The following ZNF17 variants were observed in gnomAD, a reference collection of about 807,000 sequenced individuals.
ZNF17 encodes zinc finger protein 17.
A neutral mutation model predicts 7.7 loss-of-function variants in ZNF17; 4 were observed. That is an observed-to-expected ratio of 0.52 (90% CI 0.26 to 1.20). ZNF17 has a LOEUF of 1.20. Ranked by LOEUF, ZNF17 falls within the 50% of genes most tolerant of loss-of-function variation. The pLI is 0.14. For missense variants in ZNF17, 738 were observed against 799.5 expected (o/e 0.92, Z 0.93); for synonymous variants, 249 against 258.8 (o/e 0.96, Z 0.36).
intron 1 of ZNF17, among the ~76,000 whole-genome samples, chr19:57,412,537 C>T (rs2088784718): frequency 1.3e-5 from 2 of 151,856 alleles, no homozygotes; most frequent in South Asian, 2.1e-4. Context: ...CTCCGCCTCC[C>T]GAGTTCAAGC....
Position 57,412,447 on chromosome 19 carries a change from C to CTTTTT in ZNF17, c.-21+1041_-21+1042insTTTTT, listed in dbSNP as rs371324558. 1.7e-5 allele frequency among the ~76,000 whole-genome samples: 2 copies of CTTTTT among 115,642 alleles called. 1 individual carries two copies. Among genetic ancestry groups the CTTTTT allele is most frequent in the Non-Finnish European group, 3.8e-5 (2 of 53,032 alleles). 75.9% of individuals were successfully genotyped at this position (115,642 alleles called of 152,430 possible). ...CTTATTTATTTATGAATGTGTAAAA[C>CTTTTT]ATTTTTTTTTTTTTTGAGACAGAGT... On this transcript the variant is annotated intron_variant, in intron 1 of 3. Coordinates refer to ENST00000307658, the MANE Select transcript of ZNF17 (RefSeq NM_001330617.2).
chr19:57,418,427 T>C (rs951119704), intron 3 of ZNF17, among the ~76,000 whole-genome samples: 28 of 152,232 alleles, frequency 1.8e-4, no homozygotes, highest in Admixed American at 1.4e-3. Flanking sequence ...TCACTGCTTG[T>C]GAGGACTGTG....
In ZNF17 at chr19:57,420,409, A is replaced by G. The variant is rs771882971; in HGVS notation, c.923A>G (p.Glu308Gly). 3.0e-5 allele frequency: 48 copies of G among 1,614,080 alleles called. No individual in the cohort carries two copies. In the Middle Eastern group the frequency reaches 6.6e-4, roughly 22 times the overall value. The change falls in exon 4 of 4, where the codon GAA (glutamate) becomes GGA (glycine). Residue 308 changes from glutamate to glycine, a missense_variant. Coordinates refer to ENST00000307658, the MANE Select transcript of ZNF17 (RefSeq NM_001330617.2). Reference protein sequence around the residue: ...HTRPRPYVCSECGKAFLTQAH... With the variant: ...HTRPRPYVCSGCGKAFLTQAH... ...AGGCCAAGGCCTTATGTGTGTAGTG[A>G]ATGTGGGAAGGCCTTCCTTACACAG... is the stretch of plus-strand genomic sequence containing the variant.
In ZNF17 at chr19:57,417,186, C is replaced by T. The variant is rs568940870; in HGVS notation, c.22-726C>T. 2.6e-5 allele frequency among the ~76,000 whole-genome samples: 4 copies of T among 152,026 alleles called. No homozygotes were observed. In the South Asian group the frequency reaches 8.3e-4, roughly 32 times the overall value. On this transcript the variant is annotated intron_variant, in intron 2 of 3. Coordinates refer to ENST00000307658, the MANE Select transcript of ZNF17 (RefSeq NM_001330617.2). ...CCTGAGTGCAGGGAGCATGCCACATCACATAAAGCCACAGAGGAAATAGCG... is the reference window on the plus strand; with the variant it reads ...CCTGAGTGCAGGGAGCATGCCACATTACATAAAGCCACAGAGGAAATAGCG...
intron 3 of ZNF17, among the ~76,000 whole-genome samples, chr19:57,418,716 G>A (rs2088827174): frequency 1.3e-5 from 2 of 151,974 alleles, no homozygotes; most frequent in South Asian, 2.1e-4. Context: ...GACAGGGCTG[G>A]GTTCACATCA....
chr19:57,419,038 C>T (rs2088830085), intron 3 of ZNF17: 2 of 152,742 alleles, frequency 1.3e-5, no homozygotes, highest in Middle Eastern at 3.4e-3. Context: ...TGCGCCACCA[C>T]ACCTGGCTAA....
Position 57,411,426 on chromosome 19 carries a change from G to A in ZNF17, c.-21+20G>A, listed in dbSNP as rs528318410. 98 of 1,609,552 alleles carry A rather than the reference G, an allele frequency of 6.1e-5. No homozygotes were observed. The East Asian group carries it at 2.0e-3, about 33-fold the overall frequency. On this transcript the variant is annotated intron_variant, in intron 1 of 3. Transcript: ENST00000307658. ...ACTGAGGTGGGTGCCGCGTCCCAGG[G>A]CGCCCCGCCCGATCCCTCCTCCGAG...
At position 57,417,905 on chromosome 19, in the gene ZNF17, T is replaced by C. The variant is rs368165052; in HGVS notation, c.22-7T>C. 28 of 1,613,584 alleles carry C rather than the reference T, an allele frequency of 1.7e-5. No individual in the cohort carries two copies. Among genetic ancestry groups the C allele is most frequent in the Non-Finnish European group, 2.3e-5 (27 of 1,179,928 alleles). ...GCTCACAGACTAAACTGTTATAATT[T>C]TGGCAGGATTATATGGTTTTTGAGG... On this transcript the variant is annotated splice_polypyrimidine_tract_variant and splice_region_variant and intron_variant, in intron 2 of 3. Transcript: ENST00000307658.
At position 57,411,277 on chromosome 19, in the gene ZNF17, A is replaced by G. The variant is rs2088773986; in HGVS notation, c.-150A>G. ...GAGAAAAGGTTTCCCCGTTGTACAGAGGCTAGAGTGAGGCTCGGTTGAATC... is the reference window on the plus strand; with the variant it reads ...GAGAAAAGGTTTCCCCGTTGTACAGGGGCTAGAGTGAGGCTCGGTTGAATC... On this transcript the variant is annotated 5_prime_UTR_variant, in exon 1 of 4. Coordinates refer to ENST00000307658, the MANE Select transcript of ZNF17 (RefSeq NM_001330617.2). The G allele has an allele frequency of 1.4e-6, 2 of 1,433,422 alleles. No individual in the cohort carries two copies. The highest frequency in any genetic ancestry group is 4.8e-5 in the East Asian group (2 of 41,358). 88.8% of individuals were successfully genotyped at this position (1,433,422 alleles called of 1,614,324 possible).
rs749446523 is a variant in ZNF17, at chr19:57,417,934, T to G, written c.44T>G (p.Val15Gly). The change falls in exon 3 of 4, where the codon GTG becomes GGG. Residue 15 changes from valine (V) to glycine (G), a missense_variant. This residue lies in a region of ZNF17 where 616 missense variants were observed against 663.9 expected (regional missense o/e 0.93). Transcript: ENST00000307658. The part of the protein sequence containing the change: ...AGQDYMVFED[V>G]AIHFSQEEWG... ...CAGGATTATATGGTTTTTGAGGACGTGGCCATACATTTCTCCCAGGAGGAG... is the reference window on the plus strand; with the variant it reads ...CAGGATTATATGGTTTTTGAGGACGGGGCCATACATTTCTCCCAGGAGGAG... 6.2e-7 allele frequency: 1 copy of G among 1,613,948 alleles called. No homozygotes were observed. The highest frequency in any genetic ancestry group is 8.5e-7 in the Non-Finnish European group (1 of 1,179,984).
intron 1 of ZNF17, among the ~76,000 whole-genome samples, chr19:57,412,931 G>A (rs2088787822): frequency 6.6e-6 from 1 of 151,130 alleles, no homozygotes; most frequent in Admixed American, 6.6e-5. Context: ...AGGCTGGAGT[G>A]CAGTGGCGTG....
chr19:57,412,448 A>ATTTT (rs34661992), intron 1 of ZNF17, among the ~76,000 whole-genome samples: 1 of 147,392 alleles, frequency 6.8e-6, no homozygotes, highest in African/African-American at 2.5e-5. Context: ...TGTGTAAAAC[A>ATTTT]TTTTTTTTTT....
chr19:57,418,240 TTATAAGGC>T (rs2088824443), intron 3 of ZNF17, among the ~76,000 whole-genome samples: 1 of 152,172 alleles, frequency 6.6e-6, no homozygotes, highest in Non-Finnish European at 1.5e-5. Context: ...CTCTGAAGCC[TTATAAGGC>T]TCAAAAGTCA....
At chr19:57,415,763 A>T (rs1054668448) in intron 2 of ZNF17, among the ~76,000 whole-genome samples, 1 of 152,046 alleles carries the variant, frequency 6.6e-6, no homozygotes, top group African/African-American at 2.4e-5. Flanking sequence ...TAAAAGTTGG[A>T]TGGTGAGGCA....
rs945206854 is a variant in ZNF17 at position 57,411,703 on chromosome 19, A to C, written c.-21+297A>C. The C allele has an allele frequency of 3.1e-6, 4 of 1,306,254 alleles. No individual in the cohort carries two copies. The African/African-American group carries it at 5.9e-5, about 19-fold the overall frequency. 80.9% of individuals were successfully genotyped at this position (1,306,254 alleles called of 1,614,324 possible). The stretch of plus-strand genomic sequence containing the variant: ...CAGCGGAGCTGCTGAAAGCCGTAGA[A>C]GGCTGTGCAGGAAGGGTTATGCCCA... On this transcript the variant is annotated intron_variant, in intron 1 of 3. Transcript: ENST00000307658.
intron 1 of ZNF17, chr19:57,411,774 C>A: frequency 1.2e-6 from 1 of 812,350 alleles, no homozygotes. Flanking sequence ...TAAACCAGGA[C>A]AAGGGGACCG....
chr19:57,421,279 C>T lies in ZNF17; in HGVS notation c.1793C>T (p.Thr598Ile), dbSNP rs1196574303. Residue 598 changes from threonine (T) to isoleucine (I), a missense_variant, in exon 4 of 4, where the codon ACA becomes ATA. Transcript: ENST00000307658. ...KCGKFFMDSSTLISHERVHTG... is the reference protein window; with the variant it reads ...KCGKFFMDSSILISHERVHTG... ...GGGAAATTTTTTATGGACAGCTCCA[C>T]ACTCATTAGTCATGAGAGAGTTCAT... The T allele has an allele frequency of 1.2e-6, 2 of 1,614,048 alleles. No individual in the cohort carries two copies. Among genetic ancestry groups the T allele is most frequent in the East Asian group, 2.2e-5 (1 of 44,864 alleles).
chr19:57,414,120 G>A (rs1171797707), intron 2 of ZNF17, among the ~76,000 whole-genome samples: 6 of 152,076 alleles, frequency 3.9e-5, no homozygotes, highest in African/African-American at 1.4e-4. Flanking sequence ...TACAACCTCC[G>A]CCTTCCTGGT....
Position 57,420,578 on chromosome 19 carries a change from A to C in ZNF17, c.1092A>C (p.Glu364Asp). The part of the protein sequence containing the change: ...HTGERPFYCC[E>D]CGKFFMDSCT... ...GAGAAAGGCCTTTTTATTGCTGTGA[A>C]TGTGGGAAATTCTTTATGGACAGCT... Residue 364 changes from glutamate to aspartate, a missense_variant, in exon 4 of 4, where the codon GAA becomes GAC. Transcript: ENST00000307658. The C allele has an allele frequency of 6.2e-7, 1 of 1,614,132 alleles. No individual in the cohort carries two copies. Among genetic ancestry groups the C allele is most frequent in the Non-Finnish European group, 8.5e-7 (1 of 1,179,984 alleles).
Sources: allele counts gnomAD v4.1 joint callset (sites outside exome capture counted in the v4.1 genomes callset), GRCh38; gene constraint gnomAD v4.1.1; regional missense constraint gnomAD v4.1.1; transcripts MANE v1.5; gene names NCBI Gene and HGNC (gene_info 2026-07-23, HGNC 2026-07-21).